CD160: variants seen among roughly 807,000 people sequenced by gnomAD.
CD160 encodes the protein CD160 molecule, also known as CD160 antigen.
Under a neutral mutation model 19.2 loss-of-function variants are expected in CD160, and 11 were observed. That is an observed-to-expected ratio of 0.57 (90% CI 0.36 to 0.95). The LOEUF (loss-of-function observed/expected upper bound fraction) is 0.95, where lower values mean the gene tolerates loss of function less well. CD160 is among the 40% of genes least tolerant of loss of function. CD160 has a pLI of 0.01. For missense variants in CD160, 182 were observed against 213.2 expected (o/e 0.85, Z 0.91); for synonymous variants, 75 against 81.1 (o/e 0.93, Z 0.40).
rs1298426262 is a variant in CD160 at position 145,728,532 on chromosome 1, C to A, written c.73+132C>A. ...TTTTTTTTTTTTTTTTTGAGGGAGT[C>A]TCGCTCTGTCACCCAGGCTGGAGTG... On this transcript the variant is annotated intron_variant, in intron 3 of 5. Coordinates refer to ENST00000369288, the MANE Select transcript of CD160 (RefSeq NM_007053.4). 5 of 556,618 alleles carry A rather than the reference C, an allele frequency of 9.0e-6. No homozygotes were observed. In the Admixed American group the frequency reaches 1.2e-4, roughly 14 times the overall value. The allele number at this position is 556,618 out of a possible 1,614,324, so 34.5% of individuals were successfully genotyped here.
intron 5 of CD160, chr1:145,736,478 G>A: frequency 5.2e-6 from 2 of 384,500 alleles, no homozygotes; most frequent in Non-Finnish European, 9.8e-6. Flanking sequence ...AGGAAGAAAA[G>A]GCAAGAGACA....
intron 1 of CD160, among the ~76,000 whole-genome samples, chr1:145,721,607 C>T (rs1255912276): frequency 1.3e-5 from 2 of 152,150 alleles, no homozygotes; most frequent in African/African-American, 4.8e-5. Context: ...GGTCCCTACC[C>T]TGCGCCCCTC....
At chr1:145,731,117 G>C in intron 4 of CD160, 47 bp downstream of exon 4, 2 of 1,459,148 alleles carry the variant, frequency 1.4e-6, no homozygotes, top group South Asian at 1.2e-5. Context: ...ACAGTGAGCA[G>C]GGTTGACAGT....
chr1:145,734,750 G>A (rs1657416176), intron 4 of CD160, among the ~76,000 whole-genome samples: 1 of 152,136 alleles, frequency 6.6e-6, no homozygotes, highest in African/African-American at 2.4e-5. Flanking sequence ...ACATCTAGAT[G>A]GTTCCCCAAG....
At chr1:145,732,225 A>G (rs1259572640) in intron 4 of CD160, among the ~76,000 whole-genome samples, 1 of 152,186 alleles carries the variant, frequency 6.6e-6, no homozygotes, top group Non-Finnish European at 1.5e-5. Context: ...TATAAACCAA[A>G]TGTAAGGAAA....
chr1:145,738,503 C>A lies in CD160; in HGVS notation c.*10C>A. On this transcript the variant is annotated 3_prime_UTR_variant, in exon 6 of 6. Coordinates refer to ENST00000369288, the MANE Select transcript of CD160 (RefSeq NM_007053.4). ...TTCCACAGCTTTGTAAGCCTTGTGC[C>A]AAAAGAAACTTTTAAAACAGCTACA... 1 of 1,322,626 alleles carries A rather than the reference C, an allele frequency of 7.6e-7. No homozygotes were observed. Among genetic ancestry groups the A allele is most frequent in the South Asian group, 2.9e-5 (1 of 34,564 alleles). 81.9% of individuals were successfully genotyped at this position (1,322,626 alleles called of 1,614,324 possible).
intron 2 of CD160, among the ~76,000 whole-genome samples, chr1:145,727,282 G>T (rs1553708515): frequency 6.6e-6 from 1 of 151,714 alleles, no homozygotes; most frequent in African/African-American, 2.4e-5. Flanking sequence ...ATTTATAGAA[G>T]TATCTCATTC....
At chr1:145,735,313 C>T (rs895580335) in intron 4 of CD160, among the ~76,000 whole-genome samples, 4 of 151,782 alleles carry the variant, frequency 2.6e-5, no homozygotes, top group African/African-American at 9.7e-5. Flanking sequence ...AGTCCAGGTG[C>T]AGTGTCTCAT....
chr1:145,738,172 G>C (rs1553710495), intron 5 of CD160: 1 of 207,956 alleles, frequency 4.8e-6, no homozygotes. Flanking sequence ...CAACAATTCA[G>C]AGCTATACGT....
At position 145,730,827 on chromosome 1, in the gene CD160, G is replaced by T. The variant is rs1553709048; in HGVS notation, c.157G>T (p.Ala53Ser). Reference sequence around the variant, plus strand: ...TACTGTATGGCATAAGAAAGAAGAGGCTGAGGGGTTTGTAGTGTTTTTGTG... The same window carrying T: ...TACTGTATGGCATAAGAAAGAAGAGTCTGAGGGGTTTGTAGTGTTTTTGTG... Reference protein sequence around the residue: ...ICTVWHKKEEAEGFVVFLCKD... With the variant: ...ICTVWHKKEESEGFVVFLCKD... Residue 53 changes from alanine (A) to serine (S), a missense_variant, in exon 4 of 6, where the codon GCT becomes TCT. Coordinates refer to ENST00000369288, the MANE Select transcript of CD160 (RefSeq NM_007053.4). 6.2e-7 allele frequency: 1 copy of T among 1,614,074 alleles called. No individual in the cohort carries two copies. The highest frequency in any genetic ancestry group is 1.3e-5 in the African/African-American group (1 of 74,936).
At chr1:145,737,681 A>T (rs2101417373) in intron 5 of CD160, 1 of 150,902 alleles carries the variant, frequency 6.6e-6, no homozygotes, top group South Asian at 2.1e-4. Flanking sequence ...AAAAATTATA[A>T]AGGGGAAATT....
rs1289626871 is a variant in CD160, at chr1:145,738,776, G to A, written c.*283G>A. On this transcript the variant is annotated 3_prime_UTR_variant, in exon 6 of 6. Transcript: ENST00000369288. The stretch of plus-strand genomic sequence containing the variant: ...GTGGGTAGTATAGTCCTCAAATATC[G>A]GATAAATATATGCGTTTTTGTACCC... 12 of 293,986 alleles carry A rather than the reference G, an allele frequency of 4.1e-5. No individual in the cohort carries two copies. Among genetic ancestry groups the A allele is most frequent in the East Asian group, 3.8e-4 (7 of 18,628 alleles). The allele number at this position is 293,986 out of a possible 1,614,324, so 18.2% of individuals were successfully genotyped here. A position where few individuals can be genotyped will look rare whatever the true frequency, so the allele number is the denominator to read the frequency against.
chr1:145,725,948 G>A (rs1657036212), intron 2 of CD160, among the ~76,000 whole-genome samples: 1 of 152,036 alleles, frequency 6.6e-6, no homozygotes, highest in African/African-American at 2.4e-5. Flanking sequence ...AATTAAGGGA[G>A]GGGAGCTGGG....
At position 145,728,333 on chromosome 1, in the gene CD160, G is replaced by A. The variant is rs376243706; in HGVS notation, c.6G>A (p.Leu2=). 1.9e-6 allele frequency: 3 copies of A among 1,612,342 alleles called. No homozygotes were observed. Among genetic ancestry groups the A allele is most frequent in the African/African-American group, 2.7e-5 (2 of 74,862 alleles). The change falls in exon 3 of 6, where the codon CTG becomes CTA. Residue 2 remains leucine (L), a synonymous_variant. Transcript: ENST00000369288. ...GCCTGCTGACAGCGTGCAGGATGCT[G>A]TTGGAACCCGGCAGAGGCTGCTGTG... The part of the protein sequence containing the change: M[L]LEPGRGCCAL...
At chr1:145,730,690 G>T in intron 3 of CD160, 54 bp from the exon 4 acceptor site, 1 of 1,466,134 alleles carries the variant, frequency 6.8e-7, no homozygotes. Flanking sequence ...CAGTTACGGT[G>T]AAATTCACAG....
At chr1:145,723,319 G>A (rs931230725) in intron 1 of CD160, among the ~76,000 whole-genome samples, 3 of 152,080 alleles carry the variant, frequency 2.0e-5, no homozygotes, top group African/African-American at 7.2e-5. Context: ...TATTCGGAAT[G>A]TTGTTACATT....
In CD160 at chr1:145,736,392, C is replaced by T; in HGVS notation, c.538+258C>T. On this transcript the variant is annotated intron_variant, in intron 5 of 5. Transcript: ENST00000369288. ...TAGGAATGAAGGCCTGTGAGAGAGG[C>T]AAGTTAGTACAACTACCTCTACTCA... 3.5e-6 allele frequency: 3 copies of T among 846,508 alleles called. No homozygotes were observed. The South Asian group carries it at 5.3e-5, about 15-fold the overall frequency. 52.4% of individuals were successfully genotyped at this position (846,508 alleles called of 1,614,324 possible).
intron 4 of CD160, among the ~76,000 whole-genome samples, chr1:145,735,584 C>CA (rs1345698924): frequency 6.6e-6 from 1 of 151,522 alleles, no homozygotes; most frequent in African/African-American, 2.4e-5. Context: ...GACCCTGTCT[C>CA]AAAAAAACAA....
At chr1:145,720,963 A>T (rs782549019) in intron 1 of CD160, among the ~76,000 whole-genome samples, 8 of 152,194 alleles carry the variant, frequency 5.3e-5, no homozygotes, top group Non-Finnish European at 1.0e-4. Flanking sequence ...CCACCAGCGC[A>T]GCTCAGGAGC....
Sources: gnomAD v4.1 joint callset for allele counts (sites outside exome capture counted in the v4.1 genomes callset) on GRCh38, gnomAD v4.1.1 for gene constraint, MANE v1.5 for transcripts, NCBI Gene and HGNC (gene_info 2026-07-23, HGNC 2026-07-21) for gene names.